HESX1: variants seen among roughly 807,000 people sequenced by gnomAD.
The protein encoded by HESX1 is HESX homeobox 1.
HESX1 carries 11 observed loss-of-function variants against 22.5 expected under a neutral mutation model. The observed-to-expected ratio is 0.49, with a 90% CI of 0.31 to 0.81. The LOEUF is 0.81. HESX1 is among the 30% of genes least tolerant of loss of function. The pLI is 0.05. For synonymous variants in HESX1, 74 were observed against 76.5 expected, an observed-to-expected ratio of 0.97 and a Z score of 0.17; for missense variants, 201 against 212.6, an observed-to-expected ratio of 0.95 and a Z score of 0.34.
At chr3:57,209,044 T>C (rs2060536455) in intron 1 of HESX1, among the ~76,000 whole-genome samples, 1 of 152,148 alleles carries the variant, frequency 6.6e-6, no homozygotes, top group Non-Finnish European at 1.5e-5. Context: ...TTATTCAACA[T>C]TATTGTGTAA....
At chr3:57,226,160 G>C (rs2060642963) in intron 1 of HESX1, 1 of 151,710 alleles carries the variant, frequency 6.6e-6, no homozygotes, top group Non-Finnish European at 1.5e-5. Context: ...TTACAGGCGT[G>C]AGCCACAGCG....
chr3:57,217,046 C>T (rs1037822375), intron 1 of HESX1, among the ~76,000 whole-genome samples: 6 of 152,160 alleles, frequency 3.9e-5, no homozygotes, highest in African/African-American at 1.4e-4. Flanking sequence ...ACACTTTCCA[C>T]TTTCTGGCAC....
At chr3:57,216,615 TA>T (rs1394921741) in intron 1 of HESX1, among the ~76,000 whole-genome samples, 2 of 152,098 alleles carry the variant, frequency 1.3e-5, no homozygotes, top group African/African-American at 4.8e-5. Flanking sequence ...TCTCAAAAAA[TA>T]AAAAATAAAG....
chr3:57,218,979 T>G (rs145694856), intron 1 of HESX1, among the ~76,000 whole-genome samples: 1,690 of 152,332 alleles, frequency 0.011, 11 homozygotes, highest in Non-Finnish European at 0.018. Context: ...TTTAGCTCTT[T>G]GAGGAATTAT....
At chr3:57,222,943 A>G (rs545609207) in intron 1 of HESX1, among the ~76,000 whole-genome samples, 1 of 152,306 alleles carries the variant, frequency 6.6e-6, no homozygotes, top group East Asian at 1.9e-4. Flanking sequence ...TTAGTTTTTA[A>G]AAAAATATGA....
chr3:57,201,913 A>T (rs2060491019), upstream of HESX1, among the ~76,000 whole-genome samples: 1 of 150,058 alleles, frequency 6.7e-6, no homozygotes, highest in African/African-American at 2.5e-5. Context: ...CTATCTATCT[A>T]TCTATCTATC....
intron 1 of HESX1, among the ~76,000 whole-genome samples, chr3:57,209,377 G>A (rs2060539658): frequency 6.6e-6 from 1 of 152,162 alleles, no homozygotes; most frequent in African/African-American, 2.4e-5. Context: ...CGGGCGCAGT[G>A]GCTCATGCCT....
chr3:57,198,774 T>G lies in HESX1; in HGVS notation c.336A>C (p.Arg112Ser), dbSNP rs1409538150. Residue 112 changes from arginine (R) to serine (S), a missense_variant, in exon 2 of 4, where the codon AGA becomes AGC. Coordinates refer to ENST00000295934, the MANE Select transcript of HESX1 (RefSeq NM_003865.3). ...ELSWYRGRRPRTAFTQNQIEV... is the reference protein window; with the variant it reads ...ELSWYRGRRPSTAFTQNQIEV... The stretch of plus-strand genomic sequence containing the variant: ...CCACCTGGTTTTGAGTAAAAGCAGT[T>G]CTTGGTCTTCGGCCTCTATACCAAC... The G allele has an allele frequency of 6.2e-7, 1 of 1,613,986 alleles. No homozygotes were observed. Among genetic ancestry groups the G allele is most frequent in the Non-Finnish European group, 8.5e-7 (1 of 1,180,014 alleles).
chr3:57,216,433 A>T (rs2060583029), intron 1 of HESX1, among the ~76,000 whole-genome samples: 1 of 152,092 alleles, frequency 6.6e-6, no homozygotes, highest in Non-Finnish European at 1.5e-5. Flanking sequence ...CTGGTAAGGG[A>T]GACCTCATCT....
intron 1 of HESX1, among the ~76,000 whole-genome samples, chr3:57,218,437 TTC>T (rs1240487110): frequency 6.9e-6 from 1 of 144,318 alleles, no homozygotes; most frequent in East Asian, 2.3e-4. Context: ...CATGATCTCA[TTC>T]TTTTTTTTTT....
chr3:57,205,947 T>C (rs1482621266), intron 1 of HESX1, among the ~76,000 whole-genome samples: 8 of 152,126 alleles, frequency 5.3e-5, no homozygotes. Context: ...TCCCAGCACT[T>C]TGGGAGGCCG....
chr3:57,216,924 G>A (rs1356809633), intron 1 of HESX1, among the ~76,000 whole-genome samples: 1 of 152,008 alleles, frequency 6.6e-6, no homozygotes, highest in African/African-American at 2.4e-5. Context: ...ATATCAGTAT[G>A]GACTCACAGT....
upstream of HESX1, among the ~76,000 whole-genome samples, chr3:57,201,851 T>C (rs142558454): frequency 1.3e-3 from 198 of 150,278 alleles, 3 homozygotes; most frequent in African/African-American, 4.6e-3. Context: ...TTCCTTGGAT[T>C]TACATATCTA....
intron 1 of HESX1, among the ~76,000 whole-genome samples, chr3:57,215,617 AT>A (rs1183175408): frequency 6.6e-6 from 1 of 152,070 alleles, no homozygotes; most frequent in Non-Finnish European, 1.5e-5. Context: ...AAATACAAAA[AT>A]TAGCCAGGTG....
At chr3:57,201,873 CTATATCTATCTATCTA>C (rs1449615320), upstream of HESX1, among the ~76,000 whole-genome samples, 110 of 108,574 alleles carry the variant, frequency 1.0e-3, 1 homozygote, top group African/African-American at 2.9e-3. Flanking sequence ...ATCTATCTAT[CTATATCTATCTATCTA>C]TCTATCTATC....
At chr3:57,210,634 T>C (rs759986223) in intron 1 of HESX1, among the ~76,000 whole-genome samples, 49 of 152,338 alleles carry the variant, frequency 3.2e-4, no homozygotes, top group Non-Finnish European at 1.5e-4. Context: ...AATGCCCAAG[T>C]AGACATTCAA....
At chr3:57,226,000 C>T (rs1247153846) in intron 1 of HESX1, among the ~76,000 whole-genome samples, 1 of 151,616 alleles carries the variant, frequency 6.6e-6, no homozygotes, top group South Asian at 2.1e-4. Flanking sequence ...CTGCCTCAGC[C>T]GCCTGAGTAG....
chr3:57,213,052 G>GACAC (rs113793630), intron 1 of HESX1, among the ~76,000 whole-genome samples: 6 of 149,900 alleles, frequency 4.0e-5, no homozygotes, highest in Admixed American at 1.3e-4. Flanking sequence ...CCCATAGTGT[G>GACAC]ACACACACAC....
Position 57,214,813 on chromosome 3 carries a change from GGGA to G in HESX1, c.-111+11480_-111+11482del, listed in dbSNP as rs575781525. ...GGTGTGTGTGTGCTTGTCTGTTGAG[GGGA>G]GGAGGAGAAAGTTAATGTGATTCCA... On this transcript the variant is annotated intron_variant, in intron 1 of 2. Coordinates refer to the HESX1 transcript ENST00000495160. 5.8e-4 allele frequency among the ~76,000 whole-genome samples: 88 copies of G among 152,234 alleles called. 1 individual carries two copies. The South Asian group carries it at 0.018, about 31-fold the overall frequency.
Sources: gnomAD v4.1 joint callset for allele counts (sites outside exome capture counted in the v4.1 genomes callset) on GRCh38, gnomAD v4.1.1 for gene constraint, MANE v1.5 for transcripts, NCBI Gene and HGNC (gene_info 2026-07-23, HGNC 2026-07-21) for gene names.